Variants in TBC1D21 observed in about 807,000 individuals in gnomAD.
The protein encoded by TBC1D21 is TBC1 domain family member 21.
A neutral mutation model predicts 46.0 loss-of-function variants in TBC1D21; 38 were observed. The ratio of observed to expected loss-of-function variants is 0.83; its 90% confidence interval spans 0.64 to 1.08. The LOEUF is 1.08. TBC1D21 is among the 50% of genes least tolerant of loss of function. The pLI, the probability that TBC1D21 is intolerant of heterozygous loss-of-function variation, is 0.00. For synonymous variants in TBC1D21, 151 were observed against 157.2 expected (o/e 0.96, Z 0.29); for missense variants, 415 against 417.9 (o/e 0.99, Z 0.06).
chr15:73,906,575 G>A, the TBC1D21 span, among the ~76,000 whole-genome samples: 4 of 152,276 alleles, frequency 2.6e-5, no homozygotes, highest in African/African-American at 9.6e-5. Flanking sequence ...ATCTGTGGGA[G>A]GAGGAGGCAG....
chr15:73,904,992 A>G, the TBC1D21 span, among the ~76,000 whole-genome samples: 1 of 152,360 alleles, frequency 6.6e-6, no homozygotes, highest in Non-Finnish European at 1.5e-5. Context: ...AGAAGAATTT[A>G]GCGACAAAAA....
Position 73,875,468 on chromosome 15 carries a change from CT to C in TBC1D21, c.60+1706del, listed in dbSNP as rs562818972. On this transcript the variant is annotated intron_variant, in intron 1 of 10. Transcript: ENST00000300504. The stretch of plus-strand genomic sequence containing the variant: ...GTTTTTCTTGTCCTCCAAAGGCTTT[CT>C]TTTTTTACTGAAAATATGGGAGAAA... Among the ~76,000 whole-genome samples the C allele has an allele frequency of 1.6e-4, 24 of 152,122 alleles. No individual in the cohort carries two copies. In the South Asian group the frequency reaches 4.8e-3, roughly 30 times the overall value.
chr15:73,874,555 T>A (rs970284642), intron 1 of TBC1D21, among the ~76,000 whole-genome samples: 1 of 152,216 alleles, frequency 6.6e-6, no homozygotes, highest in African/African-American at 2.4e-5. Flanking sequence ...CCACAGAGAC[T>A]TTGTCACTTG....
the TBC1D21 span, among the ~76,000 whole-genome samples, chr15:73,902,550 C>A: frequency 6.6e-6 from 1 of 152,226 alleles, no homozygotes; most frequent in Non-Finnish European, 1.5e-5. Context: ...GACAGAACAG[C>A]TCCCTCTTCT....
the TBC1D21 span, among the ~76,000 whole-genome samples, chr15:73,898,876 A>AT: frequency 3.2e-5 from 2 of 63,058 alleles, no homozygotes; most frequent in African/African-American, 5.1e-5. Flanking sequence ...AAAAAAAAAA[A>AT]AAAAATATAT....
rs952242923 is a variant in TBC1D21, at chr15:73,888,955, C to T, written c.979-114C>T. 7 of 1,258,748 alleles carry T rather than the reference C, an allele frequency of 5.6e-6. No individual in the cohort carries two copies. The Admixed American group carries it at 9.7e-5, about 17-fold the overall frequency. 78.0% of individuals were successfully genotyped at this position (1,258,748 alleles called of 1,614,324 possible). A position where few individuals can be genotyped will look rare whatever the true frequency, so the allele number is the denominator to read the frequency against. On this transcript the variant is annotated intron_variant, in intron 10 of 10. Coordinates refer to ENST00000300504, the MANE Select transcript of TBC1D21 (RefSeq NM_153356.3). The stretch of plus-strand genomic sequence containing the variant: ...GCCCTCATCCCCCATTCCCTGTGTC[C>T]ATCCCAGTGGGTCTGGGCACCCAGA...
At chr15:73,895,068 A>C in the TBC1D21 span, among the ~76,000 whole-genome samples, 1 of 152,218 alleles carries the variant, frequency 6.6e-6, no homozygotes, top group Non-Finnish European at 1.5e-5. Flanking sequence ...CTTTTTAAAA[A>C]TAACCAATTC....
Position 73,889,205 on chromosome 15 carries a change from T to C in TBC1D21, c.*104T>C. 5.3e-6 allele frequency: 7 copies of C among 1,322,322 alleles called. 1 individual carries two copies. The South Asian group carries it at 8.8e-5, about 17-fold the overall frequency. 81.9% of individuals were successfully genotyped at this position (1,322,322 alleles called of 1,614,324 possible). ...AAAACAGCTGCAATATAAACAGTCC[T>C]CTGGAATAATGGTTTGTGGTGGATG... On this transcript the variant is annotated 3_prime_UTR_variant, in exon 11 of 11. Coordinates refer to ENST00000300504, the MANE Select transcript of TBC1D21 (RefSeq NM_153356.3).
chr15:73,875,820 TATACCCAGTGTATG>T (rs2068050047), intron 1 of TBC1D21, among the ~76,000 whole-genome samples: 1 of 152,180 alleles, frequency 6.6e-6, no homozygotes, highest in Non-Finnish European at 1.5e-5. Context: ...ACCAGGTCAT[TATACCCAGTGTATG>T]GAAAAGGGTG....
the TBC1D21 span, among the ~76,000 whole-genome samples, chr15:73,900,376 T>C: frequency 3.8e-3 from 580 of 152,330 alleles, 4 homozygotes; most frequent in African/African-American, 0.013. Context: ...CATGTAACCA[T>C]GCACGGCAGT....
intron 1 of TBC1D21, among the ~76,000 whole-genome samples, chr15:73,877,593 C>A (rs1479858767): frequency 1.4e-5 from 2 of 139,632 alleles, no homozygotes; most frequent in African/African-American, 5.4e-5. Flanking sequence ...ACCCTGATAC[C>A]AAAATTAGAG....
chr15:73,877,746 G>A (rs115868897), intron 1 of TBC1D21, among the ~76,000 whole-genome samples: 4,328 of 152,276 alleles, frequency 0.028, 212 homozygotes, highest in African/African-American at 0.098. Context: ...TCCCAGGAAT[G>A]TGAGGCTTAC....
intron 10 of TBC1D21, 69 bp downstream of exon 10, chr15:73,888,582 TTCC>T (rs765267990): frequency 0.13 from 104,946 of 809,730 alleles, 7,870 homozygotes; most frequent in Non-Finnish European, 0.14. Context: ...CCTCCTCCTC[TTCC>T]TCCTCCTCCT....
In TBC1D21 at chr15:73,884,990, CT is replaced by C. The variant is rs1374328704; in HGVS notation, c.479-12del. ...CACCCAGCCCCTCCTCCCCAACCCC[CT>C]CTTCGCCACAGAGTACCAGCAGGGC... On this transcript the variant is annotated splice_polypyrimidine_tract_variant and intron_variant, in intron 5 of 10. Coordinates refer to ENST00000300504, the MANE Select transcript of TBC1D21 (RefSeq NM_153356.3). 6.2e-7 allele frequency: 1 copy of C among 1,613,382 alleles called. No homozygotes were observed. The highest frequency in any genetic ancestry group is 8.5e-7 in the Non-Finnish European group (1 of 1,179,594).
chr15:73,898,880 A>AAATATATATATATATATATATAT, the TBC1D21 span, among the ~76,000 whole-genome samples: 2 of 56,802 alleles, frequency 3.5e-5, no homozygotes, highest in Non-Finnish European at 7.6e-5. Context: ...AAAAAAAAAA[A>AAATATATATATATATATATATAT]ATATATATAT....
At chr15:73,891,653 G>A (rs536506808), downstream of TBC1D21, among the ~76,000 whole-genome samples, 5 of 152,338 alleles carry the variant, frequency 3.3e-5, no homozygotes, top group South Asian at 1.0e-3. Context: ...CCACTGCCTG[G>A]CCTCTCCCCA....
the TBC1D21 span, among the ~76,000 whole-genome samples, chr15:73,897,887 C>G: frequency 6.6e-6 from 1 of 152,226 alleles, no homozygotes; most frequent in African/African-American, 2.4e-5. Context: ...CCCAGCAGCC[C>G]TAGGACCCTG....
chr15:73,899,424 A>C, the TBC1D21 span, among the ~76,000 whole-genome samples: 2 of 151,980 alleles, frequency 1.3e-5, no homozygotes, highest in Non-Finnish European at 2.9e-5. Flanking sequence ...CCCAGGCTGC[A>C]CTCCCAGAGC....
At chr15:73,888,827 C>G (rs1567070567) in intron 10 of TBC1D21, among the ~76,000 whole-genome samples, 1 of 152,266 alleles carries the variant, frequency 6.6e-6, no homozygotes, top group East Asian at 1.9e-4. Flanking sequence ...GACTGTGCCA[C>G]GTTCTCTACC....
Sources: gnomAD v4.1 joint callset for allele counts (sites outside exome capture counted in the v4.1 genomes callset) on GRCh38, gnomAD v4.1.1 for gene constraint, MANE v1.5 for transcripts, NCBI Gene and HGNC (gene_info 2026-07-23, HGNC 2026-07-21) for gene names.